ZMYND8: variants seen among roughly 807,000 people sequenced by gnomAD.
ZMYND8 encodes MYND-type zinc finger-containing chromatin reader ZMYND8.
ZMYND8 carries 37 observed loss-of-function variants against 140.8 expected under a neutral mutation model. The observed-to-expected ratio is 0.26, with a 90% CI of 0.20 to 0.35. ZMYND8 has a LOEUF of 0.35. Ranked by LOEUF, ZMYND8 falls within the 10% of genes least tolerant of loss-of-function variation. The probability of loss-of-function intolerance (pLI) is 1.00; values close to 1 mark genes in which losing one functional copy is unlikely to be tolerated. For synonymous variants in ZMYND8, 592 were observed against 597.1 expected (o/e 0.99, Z 0.12); for missense variants, 1,068 against 1,570.0 (o/e 0.68, Z 5.40).
At chr20:47,331,929 C>T (rs2080985946) in intron 2 of ZMYND8, among the ~76,000 whole-genome samples, 2 of 152,178 alleles carry the variant, frequency 1.3e-5, no homozygotes, top group South Asian at 2.1e-4. Context: ...GCTTGCTGGA[C>T]GCGGTGGCTC....
intron 21 of ZMYND8, among the ~76,000 whole-genome samples, chr20:47,219,532 A>AC (rs945169837): frequency 1.1e-4 from 17 of 151,558 alleles, no homozygotes; most frequent in African/African-American, 3.9e-4. Flanking sequence ...TCAAAAAAAA[A>AC]AAAAAATCAT....
chr20:47,279,598 T>C (rs1296861585), intron 10 of ZMYND8, among the ~76,000 whole-genome samples: 1 of 152,116 alleles, frequency 6.6e-6, no homozygotes, highest in Non-Finnish European at 1.5e-5. Flanking sequence ...TTTCACATTA[T>C]CTCACATCTA....
rs370806306 is a variant in ZMYND8, at chr20:47,339,162, C to T, written c.85+8694G>A. On this transcript the variant is annotated intron_variant, in intron 2 of 22. Coordinates refer to ENST00000471951, the MANE Select transcript of ZMYND8 (RefSeq NM_001281775.3). ...TAATTTTTTGTATTTTTAGTAGAGA[C>T]GGGGTTTCACTGTGTTGGCCAAAAT... Among the ~76,000 whole-genome samples the T allele has an allele frequency of 4.6e-5, 7 of 151,792 alleles. No individual in the cohort carries two copies. The South Asian group carries it at 1.0e-3, about 23-fold the overall frequency.
intron 2 of ZMYND8, chr20:47,318,920 G>A (rs1471502208): frequency 2.2e-6 from 3 of 1,341,848 alleles, no homozygotes; most frequent in East Asian, 9.2e-5. Flanking sequence ...GAACATGCGA[G>A]GGGCAGGGAA....
intron 15 of ZMYND8, among the ~76,000 whole-genome samples, chr20:47,236,976 C>G (rs1334673040): frequency 1.3e-5 from 2 of 152,174 alleles, no homozygotes; most frequent in Non-Finnish European, 2.9e-5. Flanking sequence ...CCCTCATTCT[C>G]CCTTTAAAAT....
intron 2 of ZMYND8, among the ~76,000 whole-genome samples, chr20:47,325,517 A>G (rs1041982608): frequency 6.6e-6 from 1 of 152,202 alleles, no homozygotes; most frequent in Non-Finnish European, 1.5e-5. Context: ...CGAAGTCAAC[A>G]GGGAAGATTA....
intron 1 of ZMYND8, among the ~76,000 whole-genome samples, chr20:47,350,310 G>A (rs2082664262): frequency 7.7e-6 from 1 of 130,714 alleles, no homozygotes; most frequent in South Asian, 2.8e-4. Flanking sequence ...AAACTGCAGT[G>A]TCTATGCATT....
chr20:47,347,022 CTG>C (rs908588943), intron 2 of ZMYND8, among the ~76,000 whole-genome samples: 1 of 152,208 alleles, frequency 6.6e-6, no homozygotes, highest in African/African-American at 2.4e-5. Flanking sequence ...TGCAGTAACC[CTG>C]TCCAGCCTCT....
intron 19 of ZMYND8, among the ~76,000 whole-genome samples, chr20:47,223,740 C>T (rs2037316978): frequency 6.6e-6 from 1 of 150,710 alleles, no homozygotes; most frequent in Non-Finnish European, 1.5e-5. Context: ...GCAGGAGAAT[C>T]GCTTGAACCC....
intron 15 of ZMYND8, chr20:47,237,812 A>G (rs1049946322): frequency 1.9e-4 from 29 of 152,250 alleles, no homozygotes; most frequent in African/African-American, 6.8e-4. Flanking sequence ...CCTGGTAGAA[A>G]GATCTACATC....
chr20:47,243,076 G>A (rs977978609), intron 14 of ZMYND8, among the ~76,000 whole-genome samples: 7 of 152,194 alleles, frequency 4.6e-5, no homozygotes, highest in Non-Finnish European at 7.3e-5. Flanking sequence ...AAAGCACAGC[G>A]AAGAGTCTAA....
chr20:47,354,483 A>G (rs970428208), intron 1 of ZMYND8: 2 of 152,210 alleles, frequency 1.3e-5, no homozygotes, highest in Non-Finnish European at 2.9e-5. Flanking sequence ...GGGCAGTGGC[A>G]CTGTTCAGTT....
intron 2 of ZMYND8, among the ~76,000 whole-genome samples, chr20:47,339,190 TCTCGATCTC>T (rs1395200288): frequency 4.0e-5 from 6 of 151,718 alleles, no homozygotes; most frequent in Non-Finnish European, 2.9e-5. Context: ...GCCAAAATGG[TCTCGATCTC>T]CTGACCTTGT....
intron 17 of ZMYND8, among the ~76,000 whole-genome samples, chr20:47,229,038 CAGGCT>C (rs1422438790): frequency 1.3e-5 from 2 of 151,744 alleles, no homozygotes; most frequent in Non-Finnish European, 2.9e-5. Flanking sequence ...TTCTGTCTCC[CAGGCT>C]AGAGTACAGT....
chr20:47,213,335 G>A (rs761782739), intron 21 of ZMYND8, among the ~76,000 whole-genome samples: 7 of 152,190 alleles, frequency 4.6e-5, no homozygotes, highest in Admixed American at 2.0e-4. Flanking sequence ...AGCTGATACC[G>A]TGAGAAGCTT....
intron 16 of ZMYND8, among the ~76,000 whole-genome samples, chr20:47,232,007 A>G (rs2038554594): frequency 6.6e-6 from 1 of 152,246 alleles, no homozygotes; most frequent in East Asian, 1.9e-4. Flanking sequence ...AGAGACAGGA[A>G]AAGTTCATCA....
At chr20:47,297,951 G>A (rs773030934) in intron 4 of ZMYND8, among the ~76,000 whole-genome samples, 8 of 152,066 alleles carry the variant, frequency 5.3e-5, no homozygotes, top group African/African-American at 1.7e-4. Flanking sequence ...TGCTGCCTCC[G>A]GCCGTCTGCC....
chr20:47,249,377 G>GGGT lies in ZMYND8; in HGVS notation c.1681_1683dup (p.Thr561dup). ...CGCTTGGGAGAGATGAGAGGAACAGGGGTGGACTGTTGCTGGACCGACTCG... is the reference window on the plus strand; with the variant it reads ...CGCTTGGGAGAGATGAGAGGAACAGGGGTGGTGGACTGTTGCTGGACCGACTCG... On this transcript the variant is annotated inframe_insertion, in exon 13 of 23. Coordinates refer to ENST00000471951, the MANE Select transcript of ZMYND8 (RefSeq NM_001281775.3). 6.2e-7 allele frequency: 1 copy of GGGT among 1,614,114 alleles called. No individual in the cohort carries two copies. The highest frequency in any genetic ancestry group is 1.3e-5 in the African/African-American group (1 of 75,024).
Position 47,233,985 on chromosome 20 carries a change from G to A in ZMYND8, c.2856+2341C>T, listed in dbSNP as rs73912744. Among the ~76,000 whole-genome samples, 1,164 of 152,326 alleles carry A rather than the reference G, an allele frequency of 7.6e-3. 12 individuals are homozygous for A. Among genetic ancestry groups the A allele is most frequent in the African/African-American group, 0.026 (1,070 of 41,574 alleles). On this transcript the variant is annotated intron_variant, in intron 16 of 22. Transcript: ENST00000471951. ...TTCTACCCAATGGAATACAGCAAAC[G>A]TAATGAGGTGTCACTTCTGTGACTG...
Sources: allele counts gnomAD v4.1 joint callset (sites outside exome capture counted in the v4.1 genomes callset), GRCh38; gene constraint gnomAD v4.1.1; transcripts MANE v1.5; gene names NCBI Gene and HGNC (gene_info 2026-07-23, HGNC 2026-07-21).